ABTB2: variants seen among roughly 807,000 people sequenced by gnomAD.
The protein encoded by ABTB2 is ankyrin repeat and BTB domain containing 2.
In ABTB2, 56 loss-of-function variants were observed where a neutral mutation model predicts 104.1. The ratio of observed to expected loss-of-function variants is 0.54; its 90% CI spans 0.43 to 0.67. ABTB2 has a LOEUF of 0.67. ABTB2 is among the 30% of genes least tolerant of loss of function. The pLI is 0.00. For synonymous variants in ABTB2, 606 were observed against 608.2 expected (o/e 1.00, Z 0.05); for missense variants, 1,279 against 1,407.7 (o/e 0.91, Z 1.46).
chr11:34,199,830 C>T (rs1312428369), intron 2 of ABTB2, among the ~76,000 whole-genome samples: 1 of 152,202 alleles, frequency 6.6e-6, no homozygotes, highest in African/African-American at 2.4e-5. Context: ...CTGCTTGGCA[C>T]AGAGTAAGTA....
chr11:34,312,780 A>G (rs1390309619), intron 1 of ABTB2, among the ~76,000 whole-genome samples: 1 of 152,172 alleles, frequency 6.6e-6, no homozygotes, highest in Non-Finnish European at 1.5e-5. Context: ...GGCTCACTGC[A>G]GCCTTGACCT....
At position 34,238,694 on chromosome 11, in the gene ABTB2, A is replaced by T. The variant is rs73495529; in HGVS notation, c.884-34004T>A. Among the ~76,000 whole-genome samples, 302 of 152,272 alleles carry T rather than the reference A, an allele frequency of 2.0e-3. 2 individuals carry two copies. Among genetic ancestry groups the T allele is most frequent in the African/African-American group, 7.0e-3 (291 of 41,548 alleles). ...GCCTGAGCTCACAGCCTGAGCTGGGATTCAAGCCTCGCTCTTTCCCAAGAC... is the reference window on the plus strand; with the variant it reads ...GCCTGAGCTCACAGCCTGAGCTGGGTTTCAAGCCTCGCTCTTTCCCAAGAC... On this transcript the variant is annotated intron_variant, in intron 1 of 16. Transcript: ENST00000435224.
intron 1 of ABTB2, among the ~76,000 whole-genome samples, chr11:34,267,266 G>C (rs1228270357): frequency 6.6e-6 from 1 of 152,136 alleles, no homozygotes; most frequent in Non-Finnish European, 1.5e-5. Flanking sequence ...GGAATTCCAT[G>C]GAGAAACCTG....
At chr11:34,253,046 C>T (rs1392383352) in intron 1 of ABTB2, among the ~76,000 whole-genome samples, 1 of 152,178 alleles carries the variant, frequency 6.6e-6, no homozygotes, top group Non-Finnish European at 1.5e-5. Context: ...AGGCTCAGTC[C>T]AAGTGATCTC....
At position 34,273,880 on chromosome 11, in the gene ABTB2, C is replaced by T. The variant is rs190292203; in HGVS notation, c.884-69190G>A. ...AAAAATAATGATATTTGGCCGGGCG[C>T]GGTGGCTCACGCCTGTAATCCCAGC... is the stretch of plus-strand genomic sequence containing the variant. On this transcript the variant is annotated intron_variant, in intron 1 of 16. Coordinates refer to ENST00000435224, the MANE Select transcript of ABTB2 (RefSeq NM_145804.3). Among the ~76,000 whole-genome samples, 751 of 152,082 alleles carry T rather than the reference C, an allele frequency of 4.9e-3. 7 individuals are homozygous for T. Among genetic ancestry groups the T allele is most frequent in the Non-Finnish European group, 5.8e-3 (396 of 68,008 alleles).
At position 34,275,210 on chromosome 11, in the gene ABTB2, T is replaced by G. The variant is rs73497314; in HGVS notation, c.884-70520A>C. Among the ~76,000 whole-genome samples the G allele has an allele frequency of 6.2e-4, 94 of 152,326 alleles. 1 individual carries two copies. Among genetic ancestry groups the G allele is most frequent in the African/African-American group, 2.2e-3 (92 of 41,582 alleles). ...ATCTGGCTTGGATCCATGACAGCATTCCTTACGCAAGCCCTGACTCCAACA... is the reference window on the plus strand; with the variant it reads ...ATCTGGCTTGGATCCATGACAGCATGCCTTACGCAAGCCCTGACTCCAACA... On this transcript the variant is annotated intron_variant, in intron 1 of 16. Coordinates refer to ENST00000435224, the MANE Select transcript of ABTB2 (RefSeq NM_145804.3).
chr11:34,182,498 G>C (rs968015874), intron 3 of ABTB2, among the ~76,000 whole-genome samples: 26 of 122,404 alleles, frequency 2.1e-4, no homozygotes, highest in Admixed American at 1.7e-3. Flanking sequence ...TGGGTTCTCT[G>C]GGGGGGGGGG....
intron 1 of ABTB2, among the ~76,000 whole-genome samples, chr11:34,298,650 T>C (rs7119015): frequency 0.1 from 15,203 of 151,904 alleles, 2,304 homozygotes; most frequent in African/African-American, 0.33. Context: ...TTGGTAGAGA[T>C]GGGGTTTTGC....
Position 34,243,753 on chromosome 11 carries a change from C to T in ABTB2, c.884-39063G>A, listed in dbSNP as rs893279127. Among the ~76,000 whole-genome samples, 7 of 152,208 alleles carry T rather than the reference C, an allele frequency of 4.6e-5. 1 individual carries two copies. The highest frequency in any genetic ancestry group is 4.6e-4 in the Admixed American group (7 of 15,290). ...AAAAGCTTGAAGCCTATGGTTAGAC[C>T]TAAGGTCAGCCACCCACCCAGACCC... On this transcript the variant is annotated intron_variant, in intron 1 of 16. Coordinates refer to ENST00000435224, the MANE Select transcript of ABTB2 (RefSeq NM_145804.3).
At position 34,167,824 on chromosome 11, in the gene ABTB2, G is replaced by A. The variant is rs375982513; in HGVS notation, c.1653+79C>T. 8.6e-5 allele frequency: 125 copies of A among 1,446,696 alleles called. No individual in the cohort carries two copies. In the East Asian group the frequency reaches 1.0e-3, roughly 12 times the overall value. The allele number at this position is 1,446,696 out of a possible 1,614,324, so 89.6% of individuals were successfully genotyped here. A position where few individuals can be genotyped will look rare whatever the true frequency, so the allele number is the denominator to read the frequency against. On this transcript the variant is annotated intron_variant, in intron 6 of 16. Transcript: ENST00000435224. ...TCTACTCAGTTGCCCAAAACATCACGCCCAGCGTGTTTGTTGGAGCCCTCG... is the reference window on the plus strand; with the variant it reads ...TCTACTCAGTTGCCCAAAACATCACACCCAGCGTGTTTGTTGGAGCCCTCG...
intron 4 of ABTB2, 92 bp downstream of exon 4, chr11:34,173,063 C>A: frequency 2.6e-6 from 4 of 1,533,862 alleles, no homozygotes; most frequent in Non-Finnish European, 3.5e-6. Context: ...CTCTCTGACC[C>A]CCGCCCAGCC....
intron 1 of ABTB2, chr11:34,335,857 T>A: frequency 8.6e-7 from 1 of 1,164,410 alleles, no homozygotes. Context: ...AGAGCATATA[T>A]CTGGAGGTAG....
chr11:34,335,253 G>A (rs2133119353), intron 1 of ABTB2: 1 of 1,298,846 alleles, frequency 7.7e-7, no homozygotes, highest in Non-Finnish European at 1.1e-6. Flanking sequence ...AATCCTAAAT[G>A]TCGGTAGCAT....
chr11:34,291,531 T>C (rs1854565384), intron 1 of ABTB2, among the ~76,000 whole-genome samples: 2 of 152,358 alleles, frequency 1.3e-5, no homozygotes, highest in South Asian at 2.1e-4. Context: ...GTTTTGCTCT[T>C]GTTGCCCAGG....
chr11:34,183,331 CT>C (rs1853052109), intron 3 of ABTB2, among the ~76,000 whole-genome samples: 1 of 152,190 alleles, frequency 6.6e-6, no homozygotes, highest in African/African-American at 2.4e-5. Context: ...AACCCCTGGA[CT>C]CAAGCCAACT....
At chr11:34,172,418 A>ATATATG (rs55819950) in intron 4 of ABTB2, among the ~76,000 whole-genome samples, 6,669 of 82,162 alleles carry the variant, frequency 0.081, 671 homozygotes, top group Non-Finnish European at 0.11. Context: ...ATATATATAT[A>ATATATG]TGTGTGTGTG....
At chr11:34,181,475 A>G (rs1853025245) in intron 3 of ABTB2, among the ~76,000 whole-genome samples, 1 of 152,140 alleles carries the variant, frequency 6.6e-6, no homozygotes, top group African/African-American at 2.4e-5. Flanking sequence ...CCCGGGCCCC[A>G]AGCACAAGCC....
chr11:34,179,344 T>G (rs983001534), intron 3 of ABTB2, among the ~76,000 whole-genome samples: 2 of 152,198 alleles, frequency 1.3e-5, no homozygotes, highest in Admixed American at 1.3e-4. Context: ...CCCTGTGGAC[T>G]CCTGGCAAGA....
At chr11:34,355,137 A>G (rs929804310) in intron 1 of ABTB2, among the ~76,000 whole-genome samples, 1 of 152,248 alleles carries the variant, frequency 6.6e-6, no homozygotes, top group African/African-American at 2.4e-5. Context: ...AAACAAAACC[A>G]ATAATGTCAA....
Sources: gnomAD v4.1 joint callset for allele counts (sites outside exome capture counted in the v4.1 genomes callset) on GRCh38, gnomAD v4.1.1 for gene constraint, MANE v1.5 for transcripts, NCBI Gene and HGNC (gene_info 2026-07-23, HGNC 2026-07-21) for gene names.